The following GPI variants were observed in gnomAD, a reference collection of about 807,000 sequenced individuals.
GPI encodes the protein glucose-6-phosphate isomerase, also known as D-hexose-6-phosphate anomerase.
GPI carries 56 observed loss-of-function variants against 75.8 expected under a neutral mutation model. The observed-to-expected ratio is 0.74, with a 90% CI of 0.60 to 0.92. The LOEUF (loss-of-function observed/expected upper bound fraction) is 0.92, where lower values mean the gene tolerates loss of function less well. GPI is among the 40% of genes least tolerant of loss of function. The probability of loss-of-function intolerance (pLI) is 0.00; values close to 1 mark genes in which losing one functional copy is unlikely to be tolerated. For synonymous variants in GPI, 288 were observed against 285.4 expected, an observed-to-expected ratio of 1.01 and a Z score of -0.09; for missense variants, 638 against 741.0, an observed-to-expected ratio of 0.86 and a Z score of 1.61.
At chr19:34,399,096 G>A (rs2074984560) in intron 14 of GPI, 111 bp from the exon 15 acceptor site, 14 of 992,852 alleles carry the variant, frequency 1.4e-5, no homozygotes, top group Non-Finnish European at 2.1e-5. Context: ...GAGCTGTACA[G>A]CGAGTGACCC....
In GPI at chr19:34,399,484, C is replaced by T. The variant is rs183413532; in HGVS notation, c.1399-72C>T. The T allele has an allele frequency of 3.5e-5, 54 of 1,562,712 alleles. No homozygotes were observed. In the Admixed American group the frequency reaches 9.0e-4, roughly 26 times the overall value. Reference sequence around the variant, plus strand: ...GACCTGCACGTCTCAGCCTCTGGGGCAGGGTGTGCTTCCCTTCAAGGGGTT... The same window carrying T: ...GACCTGCACGTCTCAGCCTCTGGGGTAGGGTGTGCTTCCCTTCAAGGGGTT... On this transcript the variant is annotated intron_variant, in intron 15 of 17. Transcript: ENST00000356487.
intron 4 of GPI, among the ~76,000 whole-genome samples, chr19:34,377,139 A>G (rs1418634574): frequency 6.6e-6 from 1 of 150,626 alleles, no homozygotes; most frequent in Non-Finnish European, 1.5e-5. Flanking sequence ...TGTCTCTACT[A>G]AAAATACAAA....
chr19:34,368,453 G>A, intron 3 of GPI, 130 bp from the exon 4 acceptor site: 1 of 939,692 alleles, frequency 1.1e-6, no homozygotes, highest in Non-Finnish European at 1.7e-6. Flanking sequence ...CAAGGTTATG[G>A]TGCTAACAGA....
intron 6 of GPI, among the ~76,000 whole-genome samples, chr19:34,378,280 G>A (rs1053134362): frequency 3.3e-5 from 5 of 152,028 alleles, no homozygotes; most frequent in Admixed American, 2.6e-4. Context: ...TGCAATCTCC[G>A]TCTCCCAGGT....
chr19:34,364,595 C>T (rs2074326708), upstream of GPI: 1 of 204,250 alleles, frequency 4.9e-6, no homozygotes, highest in African/African-American at 2.3e-5. Context: ...CCAGTCTGGT[C>T]TGGAACTCCT....
upstream of GPI, among the ~76,000 whole-genome samples, chr19:34,363,573 G>T (rs772885942): frequency 6.6e-6 from 1 of 152,202 alleles, no homozygotes. Context: ...TGTAATCCCA[G>T]CACTTTGGGA....
rs8191413 is a variant in GPI at position 34,389,729 on chromosome 19, A to G, written c.805-3519A>G. Among the ~76,000 whole-genome samples the G allele has an allele frequency of 5.6e-3, 856 of 152,220 alleles. 5 individuals are homozygous for G. Among genetic ancestry groups the G allele is most frequent in the African/African-American group, 0.019 (808 of 41,524 alleles). ...TCTGGGTCATGCCTGCTCGTTCTTG[A>G]GATCAAGGGTCAAGTACCCCTCAGG... On this transcript the variant is annotated intron_variant, in intron 9 of 17. Transcript: ENST00000356487.
chr19:34,396,807 T>C (rs1383387008), intron 14 of GPI, 150 bp downstream of exon 14: 4 of 712,442 alleles, frequency 5.6e-6, no homozygotes, highest in South Asian at 1.6e-5. Context: ...AACAACACTC[T>C]TCTTTTGTGG....
upstream of GPI, among the ~76,000 whole-genome samples, chr19:34,362,610 C>T (rs73028321): frequency 4.1e-4 from 62 of 152,256 alleles, no homozygotes; most frequent in Admixed American, 1.3e-3. Flanking sequence ...TTGTGAATGA[C>T]AACTGAACTC....
At chr19:34,379,750 G>C in intron 8 of GPI, 188 bp downstream of exon 8, 1 of 695,430 alleles carries the variant, frequency 1.4e-6, no homozygotes, top group East Asian at 2.6e-5. Flanking sequence ...AACCTCTGCA[G>C]CTTTGAGGAG....
intron 4 of GPI, among the ~76,000 whole-genome samples, chr19:34,372,574 T>A (rs1225007293): frequency 6.6e-6 from 1 of 152,102 alleles, no homozygotes; most frequent in Admixed American, 6.6e-5. Flanking sequence ...CCCAGGAATT[T>A]GAAGCTGCAG....
chr19:34,369,972 G>A (rs1181048344), intron 4 of GPI, among the ~76,000 whole-genome samples: 1 of 152,208 alleles, frequency 6.6e-6, no homozygotes, highest in Non-Finnish European at 1.5e-5. Context: ...CTTCCAGAAA[G>A]TTCCTGTGCA....
rs2075013220 is a variant in GPI, at chr19:34,400,955, A to C, written c.*919A>C. ...TGGGCAGGCTGGTCTTGAACTCCTG[A>C]CCTCAGGTGATCTGCCCGCCTCAGC... On this transcript the variant is annotated 3_prime_UTR_variant, in exon 18 of 18. Coordinates refer to ENST00000356487, the MANE Select transcript of GPI (RefSeq NM_000175.5). 4.6e-6 allele frequency: 1 copy of C among 215,998 alleles called. No individual in the cohort carries two copies. Among genetic ancestry groups the C allele is most frequent in the South Asian group, 1.9e-4 (1 of 5,368 alleles). The allele number at this position is 215,998 out of a possible 1,614,324, so 13.4% of individuals were successfully genotyped here. A position where few individuals can be genotyped will look rare whatever the true frequency, so the allele number is the denominator to read the frequency against.
Position 34,394,022 on chromosome 19 carries a change from C to T in GPI, c.1018C>T (p.Pro340Ser), listed in dbSNP as rs535185834. The T allele has an allele frequency of 1.2e-6, 2 of 1,613,046 alleles. No individual in the cohort carries two copies. The highest frequency in any genetic ancestry group is 1.7e-5 in the Admixed American group (1 of 60,024). Reference protein sequence around the residue: ...CFGCETHAMLPYDQYLHRFAA... With the variant: ...CFGCETHAMLSYDQYLHRFAA... ...TGGGTGTGAGACACACGCCATGCTG[C>T]CCTATGACCAGTACCTGCACCGCTT... Residue 340 changes from proline to serine, a missense_variant, in exon 12 of 18, where the codon CCC (proline) becomes TCC (serine). Coordinates refer to ENST00000356487, the MANE Select transcript of GPI (RefSeq NM_000175.5).
intron 1 of GPI, chr19:34,365,630 G>T: frequency 1.4e-6 from 1 of 689,704 alleles, no homozygotes; most frequent in Non-Finnish European, 2.6e-6. Context: ...GAGGAAAAAC[G>T]GGCCCCTCCG....
At chr19:34,370,124 C>G (rs1417037607) in intron 4 of GPI, among the ~76,000 whole-genome samples, 1 of 152,174 alleles carries the variant, frequency 6.6e-6, no homozygotes, top group African/African-American at 2.4e-5. Flanking sequence ...GTGCATGTAA[C>G]ATGCCTTCTT....
At chr19:34,370,979 C>G (rs2074443291) in intron 4 of GPI, among the ~76,000 whole-genome samples, 1 of 152,202 alleles carries the variant, frequency 6.6e-6, no homozygotes, top group Admixed American at 6.5e-5. Flanking sequence ...TTAGGGTGAT[C>G]AGTCCATGTG....
chr19:34,394,902 C>T (rs978905431), intron 12 of GPI, among the ~76,000 whole-genome samples: 6 of 151,944 alleles, frequency 3.9e-5, no homozygotes, highest in African/African-American at 1.2e-4. Context: ...TTAGTGGAAA[C>T]GGGGTTTCAC....
rs2074568817 is a variant in GPI at position 34,377,675 on chromosome 19, G to T, written c.487-60G>T. ...TTACTTTCTCCAGGGATGGGACCTG[G>T]CTGTCTCCACTTTTCGTGGGCCCTG... is the stretch of plus-strand genomic sequence containing the variant. On this transcript the variant is annotated intron_variant, in intron 5 of 17. Coordinates refer to ENST00000356487, the MANE Select transcript of GPI (RefSeq NM_000175.5). 8 of 1,595,816 alleles carry T rather than the reference G, an allele frequency of 5.0e-6. 1 individual carries two copies. The highest frequency in any genetic ancestry group is 4.4e-5 in the South Asian group (4 of 90,720).
Sources: gnomAD v4.1 joint callset for allele counts (sites outside exome capture counted in the v4.1 genomes callset) on GRCh38, gnomAD v4.1.1 for gene constraint, MANE v1.5 for transcripts, NCBI Gene and HGNC (gene_info 2026-07-23, HGNC 2026-07-21) for gene names.